CAMK2D: variants seen among roughly 807,000 people sequenced by gnomAD.
CAMK2D encodes calcium/calmodulin-dependent protein kinase type II subunit delta.
Under a neutral mutation model 84.0 loss-of-function variants are expected in CAMK2D, and 37 were observed. The ratio of observed to expected loss-of-function variants is 0.44; its 90% CI spans 0.34 to 0.58. CAMK2D has a LOEUF of 0.58. Among genes scored for constraint, CAMK2D ranks in the 20% least tolerant of loss-of-function variants. The pLI is 0.02. For synonymous variants in CAMK2D, 202 were observed against 212.5 expected (o/e 0.95, Z 0.43); for missense variants, 448 against 652.5 (o/e 0.69, Z 3.41).
intron 3 of CAMK2D, among the ~76,000 whole-genome samples, chr4:113,656,785 C>T (rs2099202611): frequency 6.6e-6 from 1 of 152,110 alleles, no homozygotes. Flanking sequence ...AATGTGACCT[C>T]CATAGATATA....
At chr4:113,526,915 T>C (rs1315983556) in intron 8 of CAMK2D, among the ~76,000 whole-genome samples, 1 of 151,916 alleles carries the variant, frequency 6.6e-6, no homozygotes, top group Non-Finnish European at 1.5e-5. Flanking sequence ...CTTTTTTTTT[T>C]TTTTTTTTAC....
intron 3 of CAMK2D, among the ~76,000 whole-genome samples, chr4:113,655,701 A>G: frequency 6.6e-6 from 1 of 152,036 alleles, no homozygotes; most frequent in South Asian, 2.1e-4. Context: ...TCAAATATTG[A>G]TCTTTTCCCA....
Position 113,533,246 on chromosome 4 carries a change from A to C in CAMK2D, c.518-1947T>G, listed in dbSNP as rs557902862. ...ATTTAGTTACAACCATCATTTGAGCAGTCAATGGGGTCCTTACCCCAAGAA... is the reference window on the plus strand; with the variant it reads ...ATTTAGTTACAACCATCATTTGAGCCGTCAATGGGGTCCTTACCCCAAGAA... On this transcript the variant is annotated intron_variant, in intron 7 of 20. Coordinates refer to ENST00000511664, the MANE Select transcript of CAMK2D (RefSeq NM_001321571.2). Among the ~76,000 whole-genome samples the C allele has an allele frequency of 9.2e-4, 140 of 152,288 alleles. 2 individuals are homozygous for C. Among genetic ancestry groups the C allele is most frequent in the Non-Finnish European group, 1.1e-3 (78 of 68,012 alleles).
intron 4 of CAMK2D, among the ~76,000 whole-genome samples, chr4:113,564,505 A>C (rs528572165): frequency 6.6e-6 from 1 of 152,318 alleles, no homozygotes; most frequent in South Asian, 2.1e-4. Flanking sequence ...TGTTTGATTT[A>C]AATTTCACAC....
intron 8 of CAMK2D, among the ~76,000 whole-genome samples, 184 bp downstream of exon 8, chr4:113,531,032 C>T (rs554306131): frequency 1.1e-4 from 17 of 152,050 alleles, no homozygotes; most frequent in Non-Finnish European, 2.2e-4. Context: ...TGCAGTGAGC[C>T]GGGATTGTAC....
At chr4:113,571,318 A>T (rs1214458868) in intron 4 of CAMK2D, among the ~76,000 whole-genome samples, 1 of 152,048 alleles carries the variant, frequency 6.6e-6, no homozygotes, top group Non-Finnish European at 1.5e-5. Context: ...TAAAATCAAT[A>T]CGTTGAAGAG....
chr4:113,552,027 T>C lies in CAMK2D; in HGVS notation c.341+4A>G. The stretch of plus-strand genomic sequence containing the variant: ...TTGTATCTTGCCCAGGGCAAGTCAC[T>C]TACCTGGCATCAGCTTCACTGTAGT... On this transcript the variant is annotated splice_donor_region_variant and intron_variant, in intron 5 of 20. Coordinates refer to ENST00000511664, the MANE Select transcript of CAMK2D (RefSeq NM_001321571.2). 1 of 1,518,310 alleles carries C rather than the reference T, an allele frequency of 6.6e-7. No homozygotes were observed. The allele number at this position is 1,518,310 out of a possible 1,614,324, so 94.1% of individuals were successfully genotyped here.
chr4:113,505,114 A>T, intron 13 of CAMK2D, 79 bp from the exon 14 acceptor site: 1 of 733,586 alleles, frequency 1.4e-6, no homozygotes, highest in Non-Finnish European at 2.2e-6. Context: ...GCATGTCTAC[A>T]TAGAGATGTA....
At chr4:113,525,999 T>G (rs2098414390) in intron 8 of CAMK2D, among the ~76,000 whole-genome samples, 1 of 152,180 alleles carries the variant, frequency 6.6e-6, no homozygotes, top group African/African-American at 2.4e-5. Context: ...ACCTTACAAA[T>G]AAAGTGAATT....
intron 16 of CAMK2D, 105 bp downstream of exon 16, chr4:113,500,358 G>C: frequency 1.8e-6 from 1 of 552,784 alleles, no homozygotes; most frequent in Non-Finnish European, 3.2e-6. Flanking sequence ...TTGTGCTTTA[G>C]GATAGGCCTA....
At chr4:113,459,312 G>T (rs1257129928) in intron 18 of CAMK2D, among the ~76,000 whole-genome samples, 1 of 152,012 alleles carries the variant, frequency 6.6e-6, no homozygotes, top group African/African-American at 2.4e-5. Context: ...TCAATCTCCT[G>T]GGCTCAAAGT....
chr4:113,756,154 A>C (rs969623311), intron 2 of CAMK2D, among the ~76,000 whole-genome samples: 7 of 152,024 alleles, frequency 4.6e-5, no homozygotes, highest in Non-Finnish European at 7.4e-5. Flanking sequence ...AATACAACTG[A>C]AACTGTCTGC....
At chr4:113,508,299 G>GA (rs762355705) in intron 13 of CAMK2D, 2,307 of 1,453,100 alleles carry the variant, frequency 1.6e-3, no homozygotes, top group Non-Finnish European at 1.9e-3. Flanking sequence ...GAAAGGAAAA[G>GA]AAAAAAAAAT....
chr4:113,652,231 T>C (rs2099176237), intron 3 of CAMK2D, among the ~76,000 whole-genome samples: 1 of 152,204 alleles, frequency 6.6e-6, no homozygotes, highest in African/African-American at 2.4e-5. Flanking sequence ...TTTAGATTCC[T>C]TGCCTGTAAA....
At chr4:113,631,757 C>T (rs890142549) in intron 3 of CAMK2D, among the ~76,000 whole-genome samples, 2 of 152,162 alleles carry the variant, frequency 1.3e-5, no homozygotes. Context: ...CACCATAAAC[C>T]TGCTTGCAAT....
chr4:113,543,822 C>T (rs931667269), intron 6 of CAMK2D, among the ~76,000 whole-genome samples: 10 of 150,972 alleles, frequency 6.6e-5, no homozygotes, highest in Admixed American at 2.0e-4. Context: ...GACAGAGTCT[C>T]GCTCTGTTGC....
At chr4:113,577,521 T>C (rs1013932723) in intron 4 of CAMK2D, among the ~76,000 whole-genome samples, 12 of 152,170 alleles carry the variant, frequency 7.9e-5, no homozygotes, top group Non-Finnish European at 1.0e-4. Context: ...AATTACATAA[T>C]CAGTACTGTT....
chr4:113,675,180 T>A (rs943993420), intron 2 of CAMK2D, among the ~76,000 whole-genome samples: 1 of 152,198 alleles, frequency 6.6e-6, no homozygotes, highest in Non-Finnish European at 1.5e-5. Context: ...AATCTCATTG[T>A]AAAACATGAT....
At chr4:113,497,683 C>T (rs2097957907) in intron 16 of CAMK2D, among the ~76,000 whole-genome samples, 1 of 152,200 alleles carries the variant, frequency 6.6e-6, no homozygotes, top group African/African-American at 2.4e-5. Context: ...GGAGAGGACA[C>T]AGAAGCTGTC....
Sources: gnomAD v4.1 joint callset for allele counts (sites outside exome capture counted in the v4.1 genomes callset) on GRCh38, gnomAD v4.1.1 for gene constraint, MANE v1.5 for transcripts, NCBI Gene and HGNC (gene_info 2026-07-23, HGNC 2026-07-21) for gene names.